RBM6: variants seen among roughly 807,000 people sequenced by gnomAD.
RBM6 encodes RNA-binding protein 6.
A neutral mutation model predicts 140.4 loss-of-function variants in RBM6; 23 were observed. The observed-to-expected ratio is 0.16, with a 90% CI of 0.12 to 0.23. The LOEUF is 0.23. RBM6 is among the 10% of genes least tolerant of loss of function. RBM6 has a pLI of 1.00. For synonymous variants in RBM6, 439 were observed against 475.6 expected (o/e 0.92, Z 1.00); for missense variants, 1,139 against 1,386.7 (o/e 0.82, Z 2.84).
At chr3:50,020,922 G>A (rs1053201947) in intron 6 of RBM6, among the ~76,000 whole-genome samples, 6 of 152,082 alleles carry the variant, frequency 3.9e-5, no homozygotes, top group Middle Eastern at 3.4e-3. Flanking sequence ...ACCATAATTC[G>A]GAATATTTTT....
chr3:49,982,895 A>G (rs986219070), intron 5 of RBM6, among the ~76,000 whole-genome samples: 7 of 151,554 alleles, frequency 4.6e-5, no homozygotes, highest in African/African-American at 1.5e-4. Context: ...TATTTTTAGT[A>G]GAGACAGGGT....
intron 1 of RBM6, among the ~76,000 whole-genome samples, chr3:49,962,150 TAAAAAAA>T (rs66697775): frequency 8.9e-6 from 1 of 112,458 alleles, no homozygotes; most frequent in East Asian, 3.3e-4. Context: ...CTCCATCTCT[TAAAAAAA>T]AAAAAAAAAA....
At chr3:50,025,943 A>G (rs552418973) in intron 6 of RBM6, among the ~76,000 whole-genome samples, 111 of 152,162 alleles carry the variant, frequency 7.3e-4, no homozygotes, top group Middle Eastern at 6.8e-3. Flanking sequence ...GAAATACAAA[A>G]ATTAGCTGGG....
rs932345651 is a variant in RBM6, at chr3:49,967,969, G to C, written c.544G>C (p.Asp182His). ...PSDFRGRGTY[D>H]LDFRGRDGSH... is the part of the protein sequence containing the mutation. ...TGACTTCAGGGGCCGGGGCACTTAT[G>C]ATTTAGATTTTAGAGGCCGGGATGG... Residue 182 changes from aspartate to histidine, a missense_variant, in exon 3 of 21, where the codon GAT becomes CAT. By Grantham distance (81) the Asp-to-His change is moderately conservative (BLOSUM62 -1). Around this residue, in one of 9 missense-constraint regions of RBM6, gnomAD observed 566 missense variants for 612.7 expected, o/e 0.92. Coordinates refer to ENST00000266022, the MANE Select transcript of RBM6 (RefSeq NM_005777.3). This position sits in a 1 kb window ranked among gnomAD's most constrained non-coding sequence, Gnocchi z 4.0. The C allele has an allele frequency of 1.2e-5, 20 of 1,614,042 alleles. No individual in the cohort carries two copies. Among genetic ancestry groups the C allele is most frequent in the Non-Finnish European group, 1.7e-5 (20 of 1,180,028 alleles).
At chr3:49,956,465 G>T (rs998633122) in intron 1 of RBM6, among the ~76,000 whole-genome samples, 15 of 148,306 alleles carry the variant, frequency 1.0e-4, no homozygotes, top group African/African-American at 3.7e-4. Context: ...CTCCCAAGTA[G>T]CTGGGATTAC....
At chr3:49,987,453 T>C (rs71326908) in intron 5 of RBM6, among the ~76,000 whole-genome samples, 26 of 151,898 alleles carry the variant, frequency 1.7e-4, no homozygotes, top group Non-Finnish European at 2.2e-4. Flanking sequence ...GTAGCTGGGA[T>C]TACAGGTGCC....
Position 50,065,059 on chromosome 3 carries a change from C to A in RBM6, c.2615C>A (p.Ala872Asp). ...RFQENASEGKAPAEDVFKKPL... is the reference protein window; with the variant it reads ...RFQENASEGKDPAEDVFKKPL... ...CAGGAAAATGCCAGTGAAGGGAAGGCCCCTGCAGAAGACGTCTTTAAGAAG... is the reference window on the plus strand; with the variant it reads ...CAGGAAAATGCCAGTGAAGGGAAGGACCCTGCAGAAGACGTCTTTAAGAAG... Residue 872 changes from alanine to aspartate, a missense_variant, in exon 16 of 21, where the codon GCC becomes GAC. Around this residue, in one of 9 missense-constraint regions of RBM6, gnomAD observed 163 missense variants for 182.8 expected, o/e 0.89. Coordinates refer to ENST00000266022, the MANE Select transcript of RBM6 (RefSeq NM_005777.3). 6.2e-7 allele frequency: 1 copy of A among 1,613,686 alleles called. No homozygotes were observed. The highest frequency in any genetic ancestry group is 8.5e-7 in the Non-Finnish European group (1 of 1,179,734).
intron 6 of RBM6, among the ~76,000 whole-genome samples, chr3:50,002,917 C>T (rs2086407435): frequency 6.6e-6 from 1 of 151,846 alleles, no homozygotes; most frequent in Non-Finnish European, 1.5e-5. Context: ...GAGAGCAAGA[C>T]CATCCTGACC....
chr3:50,012,592 T>A (rs2086907140), intron 6 of RBM6, among the ~76,000 whole-genome samples: 1 of 151,720 alleles, frequency 6.6e-6, no homozygotes, highest in African/African-American at 2.4e-5. Flanking sequence ...CTCCTGACCC[T>A]GTGATCCGCC....
chr3:50,064,666 C>G (rs1342699754), intron 15 of RBM6, among the ~76,000 whole-genome samples: 1 of 151,994 alleles, frequency 6.6e-6, no homozygotes, highest in East Asian at 1.9e-4. Flanking sequence ...CCAAAACCAC[C>G]ACACCCAGCT....
intron 6 of RBM6, among the ~76,000 whole-genome samples, chr3:50,011,221 T>TA (rs879356799): frequency 2.1e-3 from 296 of 144,224 alleles, no homozygotes; most frequent in Non-Finnish European, 2.8e-3. Context: ...CCTTGTCTCT[T>TA]AAAAAAAAAA....
chr3:49,974,704 A>T (rs1436622587), intron 4 of RBM6, among the ~76,000 whole-genome samples: 7 of 60,904 alleles, frequency 1.1e-4, no homozygotes, highest in African/African-American at 1.6e-4. Context: ...TTTTTTTTTT[A>T]AAGATAGTGT....
chr3:49,970,516 A>G (rs753407828), intron 3 of RBM6, among the ~76,000 whole-genome samples: 1 of 152,116 alleles, frequency 6.6e-6, no homozygotes, highest in Non-Finnish European at 1.5e-5. Context: ...TTGTTTAGGG[A>G]TCATTTTCTT....
At chr3:49,977,876 G>A (rs182164434) in intron 5 of RBM6, among the ~76,000 whole-genome samples, 1 of 152,096 alleles carries the variant, frequency 6.6e-6, no homozygotes, top group South Asian at 2.1e-4. Flanking sequence ...TAGCTACTTG[G>A]GAGTCTGAGA....
At chr3:50,057,644 G>C (rs2089761525) in intron 8 of RBM6, 84 bp from the exon 9 acceptor site, 1 of 1,228,470 alleles carries the variant, frequency 8.1e-7, no homozygotes, top group African/African-American at 1.5e-5. Context: ...GGCAGGTAAG[G>C]AGAAATTACA....
At chr3:49,963,631 A>G (rs1377427251) in intron 2 of RBM6, among the ~76,000 whole-genome samples, 4 of 152,324 alleles carry the variant, frequency 2.6e-5, no homozygotes, top group African/African-American at 9.6e-5. Flanking sequence ...CTTGGTACCA[A>G]GAAGAGTGGA....
chr3:49,958,586 C>CA lies in RBM6; in HGVS notation c.-66-3984dup, dbSNP rs113461528. 1.9e-3 allele frequency among the ~76,000 whole-genome samples: 277 copies of CA among 145,488 alleles called. 4 individuals carry two copies. Among genetic ancestry groups the CA allele is most frequent in the African/African-American group, 6.7e-3 (261 of 39,020 alleles). On this transcript the variant is annotated intron_variant, in intron 1 of 20. Coordinates refer to ENST00000266022, the MANE Select transcript of RBM6 (RefSeq NM_005777.3). ...AAGACTCTGTCTCAAAAACAAAAAACAAAAAACCACAAAAATTAGCCGGGC... is the reference window on the plus strand; with the variant it reads ...AAGACTCTGTCTCAAAAACAAAAAACAAAAAAACCACAAAAATTAGCCGGGC...
chr3:49,984,583 GTGACA>G (rs1559552565), intron 5 of RBM6, among the ~76,000 whole-genome samples: 1 of 146,308 alleles, frequency 6.8e-6, no homozygotes, highest in East Asian at 2.0e-4. Context: ...CCTGTCTAAC[GTGACA>G]TCACATCACA....
chr3:50,054,822 C>CTTTA (rs746036493), intron 8 of RBM6, among the ~76,000 whole-genome samples: 2 of 151,560 alleles, frequency 1.3e-5, no homozygotes, highest in Admixed American at 6.6e-5. Flanking sequence ...GCCTGCAAAC[C>CTTTA]TTTATTTATT....
Sources: gnomAD v4.1 joint callset for allele counts (sites outside exome capture counted in the v4.1 genomes callset) on GRCh38, gnomAD v4.1.1 for gene constraint, gnomAD v4.1.1 regional missense constraint, Gnocchi (gnomAD v3.1) non-coding constraint, MANE v1.5 for transcripts, NCBI Gene and HGNC (gene_info 2026-07-23, HGNC 2026-07-21) for gene names.